Variants in ATP11B observed in about 807,000 individuals in gnomAD.
The protein encoded by ATP11B is ATPase phospholipid transporting 11B (putative).
ATP11B carries 81 observed loss-of-function variants against 157.8 expected under a neutral mutation model. The ratio of observed to expected loss-of-function variants is 0.51; its 90% confidence interval spans 0.43 to 0.62. ATP11B has a LOEUF of 0.62. ATP11B is among the 20% of genes least tolerant of loss of function. The pLI is 0.00. For synonymous variants in ATP11B, 451 were observed against 469.4 expected (o/e 0.96, Z 0.51); for missense variants, 1,165 against 1,402.2 (o/e 0.83, Z 2.70).
chr3:182,864,824 A>G (rs1721105592), intron 12 of ATP11B, among the ~76,000 whole-genome samples: 4 of 152,234 alleles, frequency 2.6e-5, no homozygotes, highest in Admixed American at 2.6e-4. Context: ...TTTCATGGAC[A>G]TACTTTCTTT....
intron 19 of ATP11B, among the ~76,000 whole-genome samples, chr3:182,877,776 A>T (rs1041940632): frequency 5.9e-5 from 9 of 152,170 alleles, no homozygotes; most frequent in African/African-American, 1.7e-4. Flanking sequence ...AAGAGTAGTG[A>T]TGCATGAGGG....
chr3:182,881,962 C>G lies in ATP11B; in HGVS notation c.2509+981C>G, dbSNP rs1722456291. Among the ~76,000 whole-genome samples, 4 of 152,162 alleles carry G rather than the reference C, an allele frequency of 2.6e-5. No homozygotes were observed. The South Asian group carries it at 8.3e-4, about 31-fold the overall frequency. On this transcript the variant is annotated intron_variant, in intron 21 of 29. Coordinates refer to ENST00000323116, the MANE Select transcript of ATP11B (RefSeq NM_014616.3). ...TATTCTTTTCTATTTTTGCCTAAAA[C>G]TTTTATTAGATTCAGACTGCTAATG...
chr3:182,819,547 T>C (rs184984645), intron 1 of ATP11B, among the ~76,000 whole-genome samples: 29 of 152,302 alleles, frequency 1.9e-4, no homozygotes, highest in African/African-American at 5.8e-4. Context: ...TGACAGATGG[T>C]CTTCTCAATC....
chr3:182,815,349 G>T (rs1295321355), intron 1 of ATP11B, among the ~76,000 whole-genome samples: 1 of 152,088 alleles, frequency 6.6e-6, no homozygotes, highest in Admixed American at 6.5e-5. Flanking sequence ...TGCCCTGATG[G>T]TACCTTTATA....
intron 4 of ATP11B, among the ~76,000 whole-genome samples, chr3:182,830,728 A>G (rs748096179): frequency 2.0e-5 from 3 of 152,250 alleles, no homozygotes; most frequent in Non-Finnish European, 4.4e-5. Flanking sequence ...TATTGCATAC[A>G]TAAGAAAGAT....
chr3:182,851,960 T>C lies in ATP11B; in HGVS notation c.851+3403T>C, dbSNP rs748656831. On this transcript the variant is annotated intron_variant, in intron 10 of 29. Transcript: ENST00000323116. ...GACATCAAAAGATATACTATGTATATTGTAAGCCTATGAAAACTGAACACT... is the reference window on the plus strand; with the variant it reads ...GACATCAAAAGATATACTATGTATACTGTAAGCCTATGAAAACTGAACACT... 5.9e-5 allele frequency among the ~76,000 whole-genome samples: 9 copies of C among 152,222 alleles called. No individual in the cohort carries two copies. The South Asian group carries it at 1.7e-3, about 28-fold the overall frequency.
In ATP11B at chr3:182,858,546, C is replaced by G. The variant is rs369317900; in HGVS notation, c.1002+518C>G. Among the ~76,000 whole-genome samples, 33 of 152,186 alleles carry G rather than the reference C, an allele frequency of 2.2e-4. 1 individual carries two copies. The South Asian group carries it at 6.6e-3, about 31-fold the overall frequency. ...TCCAGGTTTCACTTTAGATTAAAAT[C>G]TTTGTATTGGAAGACAAATTTGGAT... On this transcript the variant is annotated intron_variant, in intron 11 of 29. Transcript: ENST00000323116.
At chr3:182,861,389 G>A (rs991661673) in intron 12 of ATP11B, among the ~76,000 whole-genome samples, 1 of 152,084 alleles carries the variant, frequency 6.6e-6, no homozygotes, top group Non-Finnish European at 1.5e-5. Context: ...TTAAAAGATA[G>A]GAACCTAATA....
chr3:182,917,998 A>G (rs1224723195), intron 29 of ATP11B, 25 bp from the exon 30 acceptor site: 14 of 1,610,950 alleles, frequency 8.7e-6, no homozygotes, highest in African/African-American at 1.3e-5. Context: ...TGGTGAGCCA[A>G]ACTTTTCTCT....
chr3:182,797,246 A>G (rs752001707), intron 1 of ATP11B, among the ~76,000 whole-genome samples: 8 of 152,140 alleles, frequency 5.3e-5, no homozygotes, highest in Non-Finnish European at 1.2e-4. Context: ...AACATGTTCA[A>G]GCCTCTCTGC....
rs141296647 is a variant in ATP11B, at chr3:182,894,610, C to T, written c.2983-2090C>T. Among the ~76,000 whole-genome samples the T allele has an allele frequency of 3.6e-3, 544 of 152,330 alleles. 2 individuals are homozygous for T. The highest frequency in any genetic ancestry group is 5.8e-3 in the Non-Finnish European group (397 of 68,032). On this transcript the variant is annotated intron_variant, in intron 25 of 29. Coordinates refer to ENST00000323116, the MANE Select transcript of ATP11B (RefSeq NM_014616.3). ...TAACCAGTTGATTACAGTTGAAATACATTACTTCGTATAATTTTACCCACA... is the reference window on the plus strand; with the variant it reads ...TAACCAGTTGATTACAGTTGAAATATATTACTTCGTATAATTTTACCCACA...
In ATP11B at chr3:182,880,917, A is replaced by T; in HGVS notation, c.2445A>T (p.Ile815=). The part of the protein sequence containing the change: ...RLIKISPEKP[I]TLAVGDGAND... ...TAAAAATATCACCTGAGAAACCTAT[A>T]ACATTGGCTGTTGGTGATGGTGCTA... The change falls in exon 21 of 30, where the codon ATA becomes ATT. Residue 815 remains isoleucine (I), a synonymous_variant. Coordinates refer to ENST00000323116, the MANE Select transcript of ATP11B (RefSeq NM_014616.3). 1 of 1,605,138 alleles carries T rather than the reference A, an allele frequency of 6.2e-7. No homozygotes were observed. Among genetic ancestry groups the T allele is most frequent in the East Asian group, 2.3e-5 (1 of 44,180 alleles).
intron 17 of ATP11B, among the ~76,000 whole-genome samples, chr3:182,872,090 C>T (rs1721707562): frequency 2.0e-5 from 3 of 152,220 alleles, no homozygotes; most frequent in South Asian, 4.1e-4. Context: ...GCTGGGATTA[C>T]AGGCGTGAGC....
intron 8 of ATP11B, among the ~76,000 whole-genome samples, chr3:182,842,908 C>G (rs918385133): frequency 2.0e-5 from 3 of 152,332 alleles, no homozygotes; most frequent in Admixed American, 1.3e-4. Flanking sequence ...TTAGTCCAGT[C>G]TATCATAGTG....
At chr3:182,916,139 G>A in intron 29 of ATP11B, 1 of 985,304 alleles carries the variant, frequency 1.0e-6, no homozygotes, top group Non-Finnish European at 1.2e-6. Context: ...ATTTAAACTT[G>A]CAAAGTCATT....
Position 182,853,356 on chromosome 3 carries a change from C to T in ATP11B, c.852-4522C>T, listed in dbSNP as rs190207360. ...CCGAGTGGCTGGGACCACAGGTGCG[C>T]GCCACAACACCCAGCTCATTTTTGT... is the stretch of plus-strand genomic sequence containing the variant. On this transcript the variant is annotated intron_variant, in intron 10 of 29. Transcript: ENST00000323116. Among the ~76,000 whole-genome samples, 29 of 152,136 alleles carry T rather than the reference C, an allele frequency of 1.9e-4. No homozygotes were observed. The East Asian group carries it at 2.5e-3, about 13-fold the overall frequency.
chr3:182,805,919 T>C (rs1375541498), intron 1 of ATP11B, among the ~76,000 whole-genome samples: 1 of 152,188 alleles, frequency 6.6e-6, no homozygotes, highest in Non-Finnish European at 1.5e-5. Context: ...AAACTCAATG[T>C]TTTTTAGCAT....
intron 9 of ATP11B, 145 bp downstream of exon 9, chr3:182,845,667 A>G (rs1265175256): frequency 8.3e-6 from 5 of 603,276 alleles, no homozygotes; most frequent in Non-Finnish European, 1.3e-5. Context: ...AGTTTGTATT[A>G]CAGTAGTCGT....
At chr3:182,858,077 C>A (rs1376054718) in intron 11 of ATP11B, 49 bp downstream of exon 11, 1 of 1,517,666 alleles carries the variant, frequency 6.6e-7, no homozygotes. Flanking sequence ...TATTACTTGG[C>A]ACGATTAGTG....
Sources: gnomAD v4.1 joint callset for allele counts (sites outside exome capture counted in the v4.1 genomes callset) on GRCh38, gnomAD v4.1.1 for gene constraint, MANE v1.5 for transcripts, NCBI Gene and HGNC (gene_info 2026-07-23, HGNC 2026-07-21) for gene names.